TSPEAR: variants seen among roughly 807,000 people sequenced by gnomAD.
The protein encoded by TSPEAR is thrombospondin type laminin G domain and EAR repeats, also known as thrombospondin-type laminin G domain and EAR repeat-containing protein.
TSPEAR carries 69 observed loss-of-function variants against 71.6 expected under a neutral mutation model. That is an observed-to-expected ratio of 0.96 (90% CI 0.79 to 1.18). The LOEUF (loss-of-function observed/expected upper bound fraction) is 1.18, where lower values mean the gene tolerates loss of function less well. Among genes scored for constraint, TSPEAR ranks in the 50% most tolerant of loss-of-function variants. The pLI is 0.00. For synonymous variants in TSPEAR, 402 were observed against 387.2 expected (o/e 1.04, Z -0.45); for missense variants, 971 against 894.9 (o/e 1.09, Z -1.09).
chr21:44,693,321 G>T (rs149723754), intron 1 of TSPEAR, among the ~76,000 whole-genome samples: 1 of 152,034 alleles, frequency 6.6e-6, no homozygotes, highest in South Asian at 2.1e-4. Flanking sequence ...TAGATATTAC[G>T]CAAGAAGCAC....
intron 9 of TSPEAR, among the ~76,000 whole-genome samples, chr21:44,512,309 G>A (rs1316364368): frequency 6.9e-6 from 1 of 144,766 alleles, no homozygotes; most frequent in Non-Finnish European, 1.5e-5. Context: ...CTAGGAAGGT[G>A]TCAGGAGAGA....
intron 1 of TSPEAR, chr21:44,697,618 A>C (rs781799817): frequency 6.2e-7 from 1 of 1,612,846 alleles, no homozygotes; most frequent in East Asian, 2.2e-5. Context: ...GCTGCCAGCC[A>C]GCTTGCTGCA....
At chr21:44,608,558 GA>G (rs1168368456) in intron 1 of TSPEAR, among the ~76,000 whole-genome samples, 1 of 152,158 alleles carries the variant, frequency 6.6e-6, no homozygotes, top group Non-Finnish European at 1.5e-5. Context: ...AAATCAATAA[GA>G]AACACAAGTA....
rs1338455985 is a variant in TSPEAR, at chr21:44,506,643, G to A, written c.1755-1762C>T. Among the ~76,000 whole-genome samples the A allele has an allele frequency of 6.6e-6, 1 of 152,246 alleles. No homozygotes were observed. Among genetic ancestry groups the A allele is most frequent in the Non-Finnish European group, 1.5e-5 (1 of 68,038 alleles). ...TGGTGGGTTATGATTTGGTTCCCAT[G>A]CAGCCCGTGCCAGCTCGCTGGGAGG... On this transcript the variant is annotated intron_variant, in intron 10 of 11. Transcript: ENST00000323084. The surrounding 1 kb of genome is among the most constrained non-coding windows in gnomAD (Gnocchi z 4.2).
intron 11 of TSPEAR, among the ~76,000 whole-genome samples, chr21:44,503,114 G>T (rs1288180016): frequency 6.9e-6 from 1 of 144,506 alleles, no homozygotes; most frequent in East Asian, 2.1e-4. Flanking sequence ...GGCCGGCCTC[G>T]GTGAGTCCTC....
At chr21:44,523,871 G>A (rs2052789581) in intron 8 of TSPEAR, among the ~76,000 whole-genome samples, 1 of 151,762 alleles carries the variant, frequency 6.6e-6, no homozygotes, top group African/African-American at 2.4e-5. Flanking sequence ...TAGTCAGGTA[G>A]TTGGTCAGTC....
chr21:44,658,761 C>T (rs587641797), intron 1 of TSPEAR, among the ~76,000 whole-genome samples: 16 of 152,164 alleles, frequency 1.1e-4, no homozygotes, highest in African/African-American at 3.4e-4. Context: ...GTGGAAACCA[C>T]CATGAGGAAG....
chr21:44,565,122 T>G (rs1409039585), intron 2 of TSPEAR, among the ~76,000 whole-genome samples: 2 of 152,092 alleles, frequency 1.3e-5, no homozygotes, highest in Non-Finnish European at 2.9e-5. Context: ...CCAGAACTTA[T>G]GAGATGCAGC....
At chr21:44,633,972 T>C (rs1363873212) in intron 1 of TSPEAR, among the ~76,000 whole-genome samples, 2 of 152,236 alleles carry the variant, frequency 1.3e-5, no homozygotes, top group East Asian at 3.8e-4. Context: ...TGCTATAAAA[T>C]GATGGCTTAT....
chr21:44,644,490 A>T (rs1346160952), intron 1 of TSPEAR, among the ~76,000 whole-genome samples: 1 of 152,232 alleles, frequency 6.6e-6, no homozygotes, highest in East Asian at 1.9e-4. Context: ...TATCTAACAA[A>T]AACGGGAGGC....
At chr21:44,689,712 A>AATGAATATAT (rs781858508) in intron 1 of TSPEAR, among the ~76,000 whole-genome samples, 720 of 62,032 alleles carry the variant, frequency 0.012, 59 homozygotes, top group African/African-American at 0.013. Context: ...GAATAGAATG[A>AATGAATATAT]ATATATATAT....
chr21:44,671,442 G>A lies in TSPEAR; in HGVS notation c.82+39991C>T, dbSNP rs182202933. 1.4e-4 allele frequency among the ~76,000 whole-genome samples: 22 copies of A among 152,234 alleles called. No homozygotes were observed. The East Asian group carries it at 3.9e-3, about 27-fold the overall frequency. On this transcript the variant is annotated intron_variant, in intron 1 of 11. Coordinates refer to ENST00000323084, the MANE Select transcript of TSPEAR (RefSeq NM_144991.3). ...CAGTGCCAGCATATGCTACTCAGGG[G>A]CCTAAGGACAGGCACATTTGGCCCA...
Position 44,623,192 on chromosome 21 carries a change from A to G in TSPEAR, c.83-55187T>C, listed in dbSNP as rs587679356. Among the ~76,000 whole-genome samples the G allele has an allele frequency of 3.7e-4, 56 of 152,296 alleles. No homozygotes were observed. Among genetic ancestry groups the G allele is most frequent in the Middle Eastern group, 3.4e-3 (1 of 294 alleles). On this transcript the variant is annotated intron_variant, in intron 1 of 11. Coordinates refer to ENST00000323084, the MANE Select transcript of TSPEAR (RefSeq NM_144991.3). The surrounding 1 kb of genome is among the most constrained non-coding windows in gnomAD (Gnocchi z 4.5). Reference sequence around the variant, plus strand: ...TAGCAATGCGAGACCAGCTTAACACAGTGAGGTTCTGGGTGGATATGACTT... The same window carrying G: ...TAGCAATGCGAGACCAGCTTAACACGGTGAGGTTCTGGGTGGATATGACTT...
intron 2 of TSPEAR, among the ~76,000 whole-genome samples, chr21:44,545,189 C>G (rs139511191): frequency 0.039 from 5,973 of 151,726 alleles, 379 homozygotes; most frequent in African/African-American, 0.13. Context: ...ATGGTGGCAG[C>G]CGCCTGTAGT....
At chr21:44,572,012 C>A (rs1371280394) in intron 1 of TSPEAR, among the ~76,000 whole-genome samples, 2 of 152,224 alleles carry the variant, frequency 1.3e-5, no homozygotes, top group African/African-American at 4.8e-5. Context: ...TGCCAAGTCT[C>A]AGACATGACC....
chr21:44,546,677 G>GT lies in TSPEAR; in HGVS notation c.304-12755dup, dbSNP rs1199505167. Among the ~76,000 whole-genome samples the GT allele has an allele frequency of 5.9e-5, 9 of 152,118 alleles. No homozygotes were observed. The highest frequency in any genetic ancestry group is 1.2e-4 in the Non-Finnish European group (8 of 68,014). ...TTTGTCAGATGCTGATGCCTTTTTG[G>GT]TTGTTGGTTTCCCCTGCCGCTGTAC... On this transcript the variant is annotated intron_variant, in intron 2 of 11. Transcript: ENST00000323084. This position sits in a 1 kb window ranked among gnomAD's most constrained non-coding sequence, Gnocchi z 4.4.
intron 1 of TSPEAR, among the ~76,000 whole-genome samples, chr21:44,582,838 C>CTTTCTTTTCTTCCTTCTTTCTTTCT (rs1979083259): frequency 6.6e-6 from 1 of 150,706 alleles, no homozygotes. Flanking sequence ...TTCCTTCTTT[C>CTTTCTTTTCTTCCTTCTTTCTTTCT]TTTCTTTTCT....
chr21:44,521,087 A>C (rs1555914190), intron 9 of TSPEAR, among the ~76,000 whole-genome samples: 1 of 152,236 alleles, frequency 6.6e-6, no homozygotes, highest in African/African-American at 2.4e-5. Flanking sequence ...CAGGGGGCAC[A>C]GAAGATTCCA....
Position 44,629,246 on chromosome 21 carries a change from G to A in TSPEAR, c.83-61241C>T, listed in dbSNP as rs138700835. ...CACAAAGGACCCCCACACCTGAGAG[G>A]AGCTGCATGTGTCAGCTCAGGCTGC... is the stretch of plus-strand genomic sequence containing the variant. On this transcript the variant is annotated intron_variant, in intron 1 of 11. Transcript: ENST00000323084. Among the ~76,000 whole-genome samples, 595 of 152,338 alleles carry A rather than the reference G, an allele frequency of 3.9e-3. 5 individuals are homozygous for A. The highest frequency in any genetic ancestry group is 0.014 in the African/African-American group (573 of 41,564).
Sources: allele counts gnomAD v4.1 joint callset (sites outside exome capture counted in the v4.1 genomes callset), GRCh38; gene constraint gnomAD v4.1.1; non-coding constraint Gnocchi (gnomAD v3.1); transcripts MANE v1.5; gene names NCBI Gene and HGNC (gene_info 2026-07-23, HGNC 2026-07-21).